Variants in PIAS1 observed in about 807,000 individuals in gnomAD.
PIAS1 encodes E3 SUMO-protein ligase PIAS1.
PIAS1 carries 6 observed loss-of-function variants against 71.3 expected under a neutral mutation model. That is an observed-to-expected ratio of 0.08 (90% CI 0.05 to 0.17). PIAS1 has a LOEUF of 0.17. PIAS1 is among the 10% of genes least tolerant of loss of function. The pLI is 1.00. For missense variants in PIAS1, 555 were observed against 793.6 expected (o/e 0.70, Z 3.61); for synonymous variants, 303 against 292.9 (o/e 1.03, Z -0.35).
chr15:68,183,156 T>C (rs184790593), intron 12 of PIAS1, among the ~76,000 whole-genome samples: 1 of 152,340 alleles, frequency 6.6e-6, no homozygotes, highest in East Asian at 1.9e-4. Context: ...TTGAATCTGA[T>C]AGCAAATGAG....
intron 1 of PIAS1, among the ~76,000 whole-genome samples, chr15:68,075,176 CCCA>C (rs2092147823): frequency 6.7e-6 from 1 of 149,506 alleles, no homozygotes; most frequent in African/African-American, 2.5e-5. Context: ...CCTCCGCCCC[CCCA>C]GGTTCAAGCA....
chr15:68,142,468 G>A (rs2092777736), intron 4 of PIAS1, 131 bp downstream of exon 4: 2 of 690,352 alleles, frequency 2.9e-6, no homozygotes, highest in Non-Finnish European at 4.7e-6. Context: ...TCCTTATCAG[G>A]AAGGGGAAAT....
chr15:68,142,141 T>C (rs994044581), intron 3 of PIAS1, 111 bp downstream of exon 3: 2 of 942,720 alleles, frequency 2.1e-6, no homozygotes. Context: ...GATGCAAATA[T>C]TAGTAATGAA....
chr15:68,182,556 C>T (rs1567081050), intron 12 of PIAS1, among the ~76,000 whole-genome samples: 1 of 149,222 alleles, frequency 6.7e-6, no homozygotes, highest in South Asian at 2.1e-4. Flanking sequence ...AGTGCAATGG[C>T]GCGACAGGCA....
chr15:68,155,466 A>AAAAAC (rs1555431874), intron 7 of PIAS1, among the ~76,000 whole-genome samples: 5 of 145,508 alleles, frequency 3.4e-5, no homozygotes, highest in Admixed American at 1.4e-4. Context: ...AAAAAAAAAA[A>AAAAAC]AAAAAACCAA....
intron 7 of PIAS1, among the ~76,000 whole-genome samples, chr15:68,157,000 A>T (rs2092894732): frequency 6.6e-6 from 1 of 152,236 alleles, no homozygotes; most frequent in Non-Finnish European, 1.5e-5. Context: ...ATAGTGGTAG[A>T]TAGAAGTTGA....
chr15:68,115,133 A>G (rs976103226), intron 2 of PIAS1, among the ~76,000 whole-genome samples: 5 of 152,116 alleles, frequency 3.3e-5, no homozygotes, highest in African/African-American at 9.7e-5. Context: ...TTTACCCTTA[A>G]TGAAGGACAT....
At position 68,124,789 on chromosome 15, in the gene PIAS1, G is replaced by A. The variant is rs975240310; in HGVS notation, c.470-17157G>A. On this transcript the variant is annotated intron_variant, in intron 2 of 13. Coordinates refer to ENST00000249636, the MANE Select transcript of PIAS1 (RefSeq NM_016166.3). ...GAATATAGTTTAAAATGTCAAATAG[G>A]CTCATTTTAAAAATCCCATGTTCTC... Among the ~76,000 whole-genome samples, 5 of 152,150 alleles carry A rather than the reference G, an allele frequency of 3.3e-5. No homozygotes were observed. The East Asian group carries it at 7.7e-4, about 23-fold the overall frequency.
chr15:68,070,464 G>A (rs936849119), intron 1 of PIAS1, among the ~76,000 whole-genome samples: 3 of 152,064 alleles, frequency 2.0e-5, no homozygotes, highest in Admixed American at 2.0e-4. Context: ...AGCTGAGGGT[G>A]GAAAGTAATG....
rs143108620 is a variant in PIAS1 at position 68,141,225 on chromosome 15, A to G, written c.470-721A>G. On this transcript the variant is annotated intron_variant, in intron 2 of 13. Transcript: ENST00000249636. ...TAAAAAAGCAAACAAAAAGCCTTTAATGGAACTATTGTTGCTCATAACGGC... is the reference window on the plus strand; with the variant it reads ...TAAAAAAGCAAACAAAAAGCCTTTAGTGGAACTATTGTTGCTCATAACGGC... Among the ~76,000 whole-genome samples, 246 of 152,214 alleles carry G rather than the reference A, an allele frequency of 1.6e-3. 1 individual carries two copies. Among genetic ancestry groups the G allele is most frequent in the African/African-American group, 5.1e-3 (212 of 41,534 alleles).
chr15:68,074,132 T>G (rs1404270539), intron 1 of PIAS1, among the ~76,000 whole-genome samples: 1 of 152,144 alleles, frequency 6.6e-6, no homozygotes, highest in Non-Finnish European at 1.5e-5. Flanking sequence ...ATTTGGAGTT[T>G]AGGAGACCAA....
rs28465253 is a variant in PIAS1, at chr15:68,171,490, T to C, written c.1009-2242T>C. On this transcript the variant is annotated intron_variant, in intron 8 of 13. Coordinates refer to ENST00000249636, the MANE Select transcript of PIAS1 (RefSeq NM_016166.3). The surrounding 1 kb of genome is among the most constrained non-coding windows in gnomAD (Gnocchi z 4.4). ...GACCAAAATGTTATGTGGTGCTTGA[T>C]TGTAATCATATGCAGGAGTGTAGAG... is the stretch of plus-strand genomic sequence containing the variant. Among the ~76,000 whole-genome samples, 1,703 of 152,302 alleles carry C rather than the reference T, an allele frequency of 0.011. 30 individuals are homozygous for C. The highest frequency in any genetic ancestry group is 0.039 in the African/African-American group (1,633 of 41,554).
rs766344324 is a variant in PIAS1, at chr15:68,179,564, C to CTTTTTTTTTTTTTTTTTTTTTT, written c.1482-1641_1482-1620dup. ...CAACCTTGTCATCTCGTGAAATGTTCTTTTTTTTTTTTTTTTTTTTTTTTT... is the reference window on the plus strand; with the variant it reads ...CAACCTTGTCATCTCGTGAAATGTTCTTTTTTTTTTTTTTTTTTTTTTTTTTTTTTTTTTTTTTTTTTTTTTT... On this transcript the variant is annotated intron_variant, in intron 11 of 13. Transcript: ENST00000249636. Among the ~76,000 whole-genome samples the CTTTTTTTTTTTTTTTTTTTTTT allele has an allele frequency of 2.1e-3, 83 of 40,104 alleles. 25 individuals carry two copies. Among genetic ancestry groups the CTTTTTTTTTTTTTTTTTTTTTT allele is most frequent in the East Asian group, 3.0e-3 (3 of 998 alleles). The allele number at this position is 40,104 out of a possible 152,430, so 26.3% of individuals were successfully genotyped here. A position where few individuals can be genotyped will look rare whatever the true frequency, so the allele number is the denominator to read the frequency against.
In PIAS1 at chr15:68,185,457, G is replaced by A. The variant is rs1003756812; in HGVS notation, c.1662+1790G>A. Among the ~76,000 whole-genome samples, 1 of 152,220 alleles carries A rather than the reference G, an allele frequency of 6.6e-6. No individual in the cohort carries two copies. Among genetic ancestry groups the A allele is most frequent in the Non-Finnish European group, 1.5e-5 (1 of 68,038 alleles). On this transcript the variant is annotated intron_variant, in intron 13 of 13. Transcript: ENST00000249636. The surrounding 1 kb of genome is among the most constrained non-coding windows in gnomAD (Gnocchi z 4.4). ...CATGGCAAACAACTTTAACCTAGAT[G>A]TAGATGAGGATGACATTGAGAAGCT...
chr15:68,129,401 A>G (rs2092673427), intron 2 of PIAS1, among the ~76,000 whole-genome samples: 1 of 152,184 alleles, frequency 6.6e-6, no homozygotes. Context: ...ATATTTATAA[A>G]GCTATATATA....
intron 1 of PIAS1, chr15:68,057,564 A>G (rs1366338698): frequency 1.7e-5 from 7 of 416,232 alleles, no homozygotes; most frequent in African/African-American, 6.3e-5. Flanking sequence ...CATAATTATA[A>G]AAGTTACTAT....
At chr15:68,056,467 A>G (rs1324726297) in intron 1 of PIAS1, among the ~76,000 whole-genome samples, 1 of 152,200 alleles carries the variant, frequency 6.6e-6, no homozygotes, top group Non-Finnish European at 1.5e-5. Context: ...TTCTAAAATT[A>G]ATCTCGTTTT....
At chr15:68,143,249 C>A (rs900179823) in intron 4 of PIAS1, among the ~76,000 whole-genome samples, 1 of 152,014 alleles carries the variant, frequency 6.6e-6, no homozygotes, top group South Asian at 2.1e-4. Flanking sequence ...AACAGTTAGC[C>A]TTGTCTCAAT....
intron 5 of PIAS1, 133 bp from the exon 6 acceptor site, chr15:68,146,433 T>G: frequency 1.5e-6 from 1 of 653,730 alleles, no homozygotes; most frequent in Non-Finnish European, 2.6e-6. Context: ...CTTGTAAATG[T>G]TTGCTTCTCT....
Sources: gnomAD v4.1 joint callset for allele counts (sites outside exome capture counted in the v4.1 genomes callset) on GRCh38, gnomAD v4.1.1 for gene constraint, Gnocchi (gnomAD v3.1) non-coding constraint, MANE v1.5 for transcripts, NCBI Gene and HGNC (gene_info 2026-07-23, HGNC 2026-07-21) for gene names.